AGMO: variants seen among roughly 807,000 people sequenced by gnomAD.
The protein encoded by AGMO is alkylglycerol monooxygenase, also known as glyceryl-ether monooxygenase.
A neutral mutation model predicts 60.2 loss-of-function variants in AGMO; 75 were observed. The ratio of observed to expected loss-of-function variants is 1.25; its 90% CI spans 1.03 to 1.51. AGMO has a LOEUF of 1.51. AGMO is among the 40% of genes most tolerant of loss of function. AGMO has a pLI of 0.00. For synonymous variants in AGMO, 261 were observed against 177.1 expected (o/e 1.47, Z -3.76); for missense variants, 763 against 525.5 (o/e 1.45, Z -4.42).
At chr7:15,168,573 C>A in the AGMO span, among the ~76,000 whole-genome samples, 8 of 152,218 alleles carry the variant, frequency 5.3e-5, no homozygotes, top group African/African-American at 1.9e-4. Flanking sequence ...ATCCCTACCA[C>A]TTGGTCTTCT....
intron 12 of AGMO, among the ~76,000 whole-genome samples, chr7:15,354,409 CACGT>C (rs1185546524): frequency 0.02 from 583 of 28,866 alleles, 41 homozygotes; most frequent in South Asian, 0.043. Flanking sequence ...TGTGTGTACA[CACGT>C]GTGTGTATAC....
chr7:15,157,992 T>A, the AGMO span, among the ~76,000 whole-genome samples: 1 of 152,204 alleles, frequency 6.6e-6, no homozygotes, highest in African/African-American at 2.4e-5. Flanking sequence ...ATCCCATTTT[T>A]ATTTTCAGGG....
chr7:15,511,280 A>T (rs763783413), intron 3 of AGMO, among the ~76,000 whole-genome samples: 6 of 152,142 alleles, frequency 3.9e-5, no homozygotes, highest in Non-Finnish European at 5.9e-5. Context: ...CACATCTTTT[A>T]TACGTAGTAT....
At chr7:15,476,078 A>G (rs1185282672) in intron 3 of AGMO, among the ~76,000 whole-genome samples, 1 of 152,116 alleles carries the variant, frequency 6.6e-6, no homozygotes, top group Non-Finnish European at 1.5e-5. Context: ...TAAGCGACAC[A>G]CTGTCACTTT....
chr7:15,520,504 G>C (rs762779735), intron 3 of AGMO, among the ~76,000 whole-genome samples: 1 of 152,160 alleles, frequency 6.6e-6, no homozygotes, highest in Non-Finnish European at 1.5e-5. Context: ...CAGTCTCTCA[G>C]ACCATAGCGC....
chr7:15,262,593 T>C lies in AGMO; in HGVS notation c.1264-61234A>G, dbSNP rs540823555. 3.3e-5 allele frequency among the ~76,000 whole-genome samples: 5 copies of C among 151,866 alleles called. No homozygotes were observed. In the East Asian group the frequency reaches 9.7e-4, roughly 29 times the overall value. On this transcript the variant is annotated intron_variant, in intron 12 of 12. Coordinates refer to ENST00000342526, the MANE Select transcript of AGMO (RefSeq NM_001004320.2). The stretch of plus-strand genomic sequence containing the variant: ...TCCATCAGAATACCATCATCATTCT[T>C]CACAGAACTAAAAAAAAATCCAAAA...
the AGMO span, among the ~76,000 whole-genome samples, chr7:15,131,212 T>A: frequency 6.6e-6 from 1 of 152,158 alleles, no homozygotes; most frequent in Non-Finnish European, 1.5e-5. Flanking sequence ...GTAGAACAGT[T>A]TTCATCATTG....
chr7:15,543,010 T>C (rs895545777), intron 3 of AGMO, among the ~76,000 whole-genome samples: 3 of 152,198 alleles, frequency 2.0e-5, no homozygotes, highest in Non-Finnish European at 2.9e-5. Flanking sequence ...TACTCCTATT[T>C]CCTTCATCCT....
At chr7:15,354,438 A>ACACACGTGTGTG (rs1782414233) in intron 12 of AGMO, among the ~76,000 whole-genome samples, 1 of 19,826 alleles carries the variant, frequency 5.0e-5, no homozygotes, top group Non-Finnish European at 7.2e-5. Flanking sequence ...ACGTGTGTGT[A>ACACACGTGTGTG]TACACACGTG....
At chr7:15,189,494 C>G in the AGMO span, among the ~76,000 whole-genome samples, 1 of 152,248 alleles carries the variant, frequency 6.6e-6, no homozygotes, top group Non-Finnish European at 1.5e-5. Context: ...TATCTTTTAA[C>G]TGAATGCAAG....
chr7:15,371,083 C>CT (rs1306990069), intron 10 of AGMO, among the ~76,000 whole-genome samples: 1 of 152,054 alleles, frequency 6.6e-6, no homozygotes, highest in East Asian at 1.9e-4. Flanking sequence ...TGAAACCAGA[C>CT]CCCTACCTTT....
chr7:15,491,401 C>CT (rs1214704583), intron 3 of AGMO, among the ~76,000 whole-genome samples: 1 of 152,164 alleles, frequency 6.6e-6, no homozygotes, highest in Non-Finnish European at 1.5e-5. Flanking sequence ...GGTATTTATT[C>CT]TAGTTGCCCT....
chr7:15,155,301 T>A, the AGMO span, among the ~76,000 whole-genome samples: 5 of 151,900 alleles, frequency 3.3e-5, no homozygotes, highest in South Asian at 2.1e-4. Context: ...CATTAAAAAA[T>A]TTTTTTCTTT....
the AGMO span, among the ~76,000 whole-genome samples, chr7:15,144,346 A>C: frequency 6.6e-6 from 1 of 152,234 alleles, no homozygotes; most frequent in African/African-American, 2.4e-5. Context: ...ATGATGTTTT[A>C]ATTACTTAAA....
intron 12 of AGMO, among the ~76,000 whole-genome samples, chr7:15,309,167 C>A (rs1044258851): frequency 6.6e-6 from 1 of 152,068 alleles, no homozygotes; most frequent in African/African-American, 2.4e-5. Context: ...ACAAGCCCTG[C>A]TAAAAATCCT....
chr7:15,426,474 C>T (rs12538401), intron 4 of AGMO, among the ~76,000 whole-genome samples: 13,647 of 152,030 alleles, frequency 0.09, 753 homozygotes, highest in South Asian at 0.15. Flanking sequence ...CTTCCCCAGG[C>T]GCGGTGGCTC....
chr7:15,431,125 T>G lies in AGMO; in HGVS notation c.410-17A>C. 1 of 1,573,458 alleles carries G rather than the reference T, an allele frequency of 6.4e-7. No homozygotes were observed. Among genetic ancestry groups the G allele is most frequent in the Non-Finnish European group, 8.7e-7 (1 of 1,144,272 alleles). On this transcript the variant is annotated splice_polypyrimidine_tract_variant and intron_variant, in intron 3 of 12. Coordinates refer to ENST00000342526, the MANE Select transcript of AGMO (RefSeq NM_001004320.2). ...TATTAACTTCTGCAAAACACATAAT[T>G]TGCAATGAGCCATGAGAATAAGAAC...
At chr7:15,361,668 T>A (rs1222845532) in intron 12 of AGMO, among the ~76,000 whole-genome samples, 1 of 151,250 alleles carries the variant, frequency 6.6e-6, no homozygotes, top group Admixed American at 6.6e-5. Context: ...TAACAGCACA[T>A]CAACATAACC....
chr7:15,240,118 G>A (rs1376680113), intron 12 of AGMO, among the ~76,000 whole-genome samples: 1 of 152,070 alleles, frequency 6.6e-6, no homozygotes, highest in Non-Finnish European at 1.5e-5. Context: ...TACATCAAAG[G>A]GGTAATATAA....
Sources: allele counts gnomAD v4.1 joint callset (sites outside exome capture counted in the v4.1 genomes callset), GRCh38; gene constraint gnomAD v4.1.1; transcripts MANE v1.5; gene names NCBI Gene and HGNC (gene_info 2026-07-23, HGNC 2026-07-21).